MOXD1: variants seen among roughly 807,000 people sequenced by gnomAD.
MOXD1 encodes monooxygenase DBH like 1.
MOXD1 carries 62 observed loss-of-function variants against 66.6 expected under a neutral mutation model. The ratio of observed to expected loss-of-function variants is 0.93; its 90% confidence interval spans 0.76 to 1.15. The LOEUF (loss-of-function observed/expected upper bound fraction) is 1.15. Ranked by LOEUF, MOXD1 falls within the 50% of genes most tolerant of loss-of-function variation. The pLI, the probability that MOXD1 is intolerant of heterozygous loss-of-function variation, is 0.00. For synonymous variants in MOXD1, 303 were observed against 281.9 expected (o/e 1.07, Z -0.75); for missense variants, 847 against 754.6 (o/e 1.12, Z -1.44).
At chr6:132,303,238 A>C (rs1048229293) in intron 10 of MOXD1, among the ~76,000 whole-genome samples, 2 of 152,200 alleles carry the variant, frequency 1.3e-5, no homozygotes, top group African/African-American at 4.8e-5. Context: ...GACTGGGAGA[A>C]ATTGTCTGTA....
At chr6:132,308,120 C>T (rs575504194) in intron 10 of MOXD1, among the ~76,000 whole-genome samples, 4 of 148,458 alleles carry the variant, frequency 2.7e-5, no homozygotes, top group Admixed American at 2.7e-4. Context: ...ATAGATAGAT[C>T]ACTAGCTAGA....
chr6:132,336,318 C>T (rs1775437970), intron 4 of MOXD1, among the ~76,000 whole-genome samples: 1 of 152,204 alleles, frequency 6.6e-6, no homozygotes, highest in Non-Finnish European at 1.5e-5. Context: ...CGTAATCCAT[C>T]TCTGGAAAAA....
At position 132,351,496 on chromosome 6, in the gene MOXD1, T is replaced by G. The variant is rs7767577; in HGVS notation, c.663+21112A>C. ...CTGCATCCCTGGTATGAAACCCACT[T>G]GATCATGGTAGATTATCTTTTTGAT... is the stretch of plus-strand genomic sequence containing the variant. On this transcript the variant is annotated intron_variant, in intron 4 of 11. Coordinates refer to ENST00000367963, the MANE Select transcript of MOXD1 (RefSeq NM_015529.4). Among the ~76,000 whole-genome samples the G allele has an allele frequency of 3.2e-3, 489 of 152,306 alleles. 4 individuals are homozygous for G. The highest frequency in any genetic ancestry group is 0.011 in the African/African-American group (457 of 41,564).
At chr6:132,343,296 T>A (rs1469944417) in intron 4 of MOXD1, among the ~76,000 whole-genome samples, 1 of 152,180 alleles carries the variant, frequency 6.6e-6, no homozygotes, top group Non-Finnish European at 1.5e-5. Context: ...CATGGAAGTC[T>A]GGGCACAGTG....
rs141348117 is a variant in MOXD1 at position 132,339,318 on chromosome 6, G to A, written c.664-10724C>T. On this transcript the variant is annotated intron_variant, in intron 4 of 11. Transcript: ENST00000367963. ...ATCACTTTGATTTAAAAATGTTTTC[G>A]TTCAAGAGATGTTCCTATGAATGAA... is the stretch of plus-strand genomic sequence containing the variant. Among the ~76,000 whole-genome samples, 351 of 151,944 alleles carry A rather than the reference G, an allele frequency of 2.3e-3. 2 individuals are homozygous for A. The highest frequency in any genetic ancestry group is 7.8e-3 in the African/African-American group (322 of 41,350).
At chr6:132,382,895 T>C (rs1446982314) in intron 1 of MOXD1, among the ~76,000 whole-genome samples, 1 of 152,176 alleles carries the variant, frequency 6.6e-6, no homozygotes, top group Admixed American at 6.5e-5. Context: ...AGATGTTAAA[T>C]TGGTTCTCAC....
At position 132,401,327 on chromosome 6, in the gene MOXD1, C is replaced by A; in HGVS notation, c.100G>T (p.Glu34Ter). 6.3e-7 allele frequency: 1 copy of A among 1,588,938 alleles called. No individual in the cohort carries two copies. The highest frequency in any genetic ancestry group is 2.3e-5 in the East Asian group (1 of 43,364). The change falls in exon 1 of 12, where the codon GAG becomes TAG. Residue 34 changes from glutamate to a stop codon, truncating the protein, a stop_gained. Coordinates refer to ENST00000367963, the MANE Select transcript of MOXD1 (RefSeq NM_015529.4). LOFTEE classifies it high-confidence loss of function. Reference sequence around the variant, plus strand: ...CTCCAGCCCAGCCAGTACTTGCCCTCCGAGTCCAGGAGGGTCCGGTGCGGA... The same window carrying A: ...CTCCAGCCCAGCCAGTACTTGCCCTACGAGTCCAGGAGGGTCCGGTGCGGA... ...TYPHRTLLDSEGKYWLGWSQR... is the reference protein window; with the variant it reads ...TYPHRTLLDS
chr6:132,392,923 G>T (rs1385195952), intron 1 of MOXD1, among the ~76,000 whole-genome samples: 1 of 152,216 alleles, frequency 6.6e-6, no homozygotes, highest in Non-Finnish European at 1.5e-5. Flanking sequence ...TAAAGGGCCT[G>T]TGGCCTTAAG....
At chr6:132,297,676 A>G in intron 11 of MOXD1, 111 bp downstream of exon 11, 1 of 1,288,228 alleles carries the variant, frequency 7.8e-7, no homozygotes, top group Non-Finnish European at 1.1e-6. Context: ...CAGACATTAG[A>G]AGGCAACTGG....
Position 132,374,638 on chromosome 6 carries a change from C to G in MOXD1, c.404G>C (p.Ser135Thr). The part of the protein sequence containing the change: ...ELHTCDINDK[S>T]ITDSTVRVIW... Reference sequence around the variant, plus strand: ...CACTCATAGATGCCTTACCGTTATACTCTTGTCATTTATGTCACATGTATG... The same window carrying G: ...CACTCATAGATGCCTTACCGTTATAGTCTTGTCATTTATGTCACATGTATG... The change falls in exon 2 of 12, where the codon AGT becomes ACT. Residue 135 changes from serine (S) to threonine (T), a missense_variant. Transcript: ENST00000367963. The G allele has an allele frequency of 3.7e-6, 6 of 1,613,662 alleles. No homozygotes were observed. The highest frequency in any genetic ancestry group is 2.2e-5 in the South Asian group (2 of 91,064).
intron 1 of MOXD1, among the ~76,000 whole-genome samples, chr6:132,378,822 T>C (rs1410033030): frequency 7.2e-6 from 1 of 139,724 alleles, no homozygotes; most frequent in African/African-American, 2.5e-5. Flanking sequence ...GAAGAGGTAA[T>C]ACCAACTGTT....
chr6:132,330,185 TC>T (rs1775286381), intron 4 of MOXD1, among the ~76,000 whole-genome samples: 1 of 152,114 alleles, frequency 6.6e-6, no homozygotes, highest in Non-Finnish European at 1.5e-5. Context: ...CCAGTACTGG[TC>T]CGTGGCCTGT....
At chr6:132,298,756 C>CA (rs555020879) in intron 10 of MOXD1, among the ~76,000 whole-genome samples, 119 of 145,326 alleles carry the variant, frequency 8.2e-4, no homozygotes, top group Middle Eastern at 3.5e-3. Flanking sequence ...TATTAAAATG[C>CA]AAAAAAAAAC....
intron 6 of MOXD1, among the ~76,000 whole-genome samples, chr6:132,325,996 C>CA (rs1282236722): frequency 6.6e-6 from 1 of 152,076 alleles, no homozygotes; most frequent in African/African-American, 2.4e-5. Flanking sequence ...ACATATCTTG[C>CA]AAAATTTTGT....
chr6:132,310,422 C>T (rs557109473), intron 10 of MOXD1, among the ~76,000 whole-genome samples: 46 of 152,184 alleles, frequency 3.0e-4, no homozygotes, highest in African/African-American at 8.9e-4. Context: ...TCCACCACTA[C>T]GGAAGACAGT....
intron 8 of MOXD1, among the ~76,000 whole-genome samples, 157 bp from the exon 9 acceptor site, chr6:132,320,845 C>G (rs781345888): frequency 2.0e-5 from 3 of 152,214 alleles, no homozygotes; most frequent in Admixed American, 1.3e-4. Context: ...TCTAGGTTTG[C>G]TGATATAACA....
rs761495964 is a variant in MOXD1, at chr6:132,323,950, G to A, written c.1094C>T (p.Thr365Ile). Reference sequence around the variant, plus strand: ...GCATACCTCTTCCAGGCACTCCAAAGTGCAGTGACCCTCAGACTGGAACTC... The same window carrying A: ...GCATACCTCTTCCAGGCACTCCAAAATGCAGTGACCCTCAGACTGGAACTC... ...MPEFQSEGHC[T>I]LECLEEALEA... Residue 365 changes from threonine to isoleucine, a missense_variant, in exon 7 of 12, where the codon ACT (threonine) becomes ATT (isoleucine). By Grantham distance (89) the Thr-to-Ile change is moderately conservative. Transcript: ENST00000367963. The A allele has an allele frequency of 2.5e-6, 4 of 1,611,712 alleles. No individual in the cohort carries two copies. Among genetic ancestry groups the A allele is most frequent in the Non-Finnish European group, 3.4e-6 (4 of 1,179,360 alleles).
intron 6 of MOXD1, 54 bp downstream of exon 6, chr6:132,327,959 G>A (rs1439672965): frequency 1.4e-6 from 2 of 1,416,486 alleles, no homozygotes; most frequent in African/African-American, 2.8e-5. Flanking sequence ...AGACTTACAA[G>A]GTACAAAACT....
chr6:132,328,734 C>T (rs1033928432), intron 4 of MOXD1, 140 bp from the exon 5 acceptor site: 3 of 810,244 alleles, frequency 3.7e-6, no homozygotes, highest in Admixed American at 3.0e-5. Flanking sequence ...TTGTGTAGTT[C>T]AAGTCTAATT....
Sources: gnomAD v4.1 joint callset for allele counts (sites outside exome capture counted in the v4.1 genomes callset) on GRCh38, gnomAD v4.1.1 for gene constraint, MANE v1.5 for transcripts, NCBI Gene and HGNC (gene_info 2026-07-23, HGNC 2026-07-21) for gene names.